NAALADL2: variants seen among roughly 807,000 people sequenced by gnomAD.
NAALADL2 encodes the protein N-acetylated alpha-linked acidic dipeptidase like 2, also known as inactive N-acetylated-alpha-linked acidic dipeptidase-like protein 2.
In NAALADL2, 76 loss-of-function variants were observed where a neutral mutation model predicts 87.2. The ratio of observed to expected loss-of-function variants is 0.87; its 90% CI spans 0.72 to 1.05. The LOEUF (loss-of-function observed/expected upper bound fraction) is 1.05, where lower values mean the gene tolerates loss of function less well. NAALADL2 is among the 50% of genes least tolerant of loss of function. The pLI is 0.00. For synonymous variants in NAALADL2, 354 were observed against 331.0 expected, an observed-to-expected ratio of 1.07 and a Z score of -0.75; for missense variants, 1,089 against 945.8, an observed-to-expected ratio of 1.15 and a Z score of -1.99.
intron 9 of NAALADL2, among the ~76,000 whole-genome samples, chr3:175,484,276 A>G (rs1225453810): frequency 1.3e-5 from 2 of 152,142 alleles, no homozygotes; most frequent in Non-Finnish European, 2.9e-5. Context: ...GCAGCATTAT[A>G]ATCAGTATTT....
intron 9 of NAALADL2, among the ~76,000 whole-genome samples, chr3:175,501,424 G>GACACACACACACAC (rs61284771): frequency 0.5 from 75,108 of 148,744 alleles, 20,554 homozygotes; most frequent in South Asian, 0.62. Context: ...ATACGTTTTA[G>GACACACACACACAC]ACACACACAC....
chr3:175,119,373 C>T (rs1725770817), intron 2 of NAALADL2, among the ~76,000 whole-genome samples: 1 of 151,490 alleles, frequency 6.6e-6, no homozygotes, highest in Admixed American at 6.6e-5. Flanking sequence ...CAGCCAGAGG[C>T]AGGAACAAAT....
chr3:174,791,655 C>G (rs983455444), intron 3 of NAALADL2, among the ~76,000 whole-genome samples: 2 of 152,162 alleles, frequency 1.3e-5, no homozygotes, highest in African/African-American at 4.8e-5. Flanking sequence ...TTCTCTGGAC[C>G]AAATACTGTA....
chr3:175,315,356 G>A (rs1039774850), intron 4 of NAALADL2, among the ~76,000 whole-genome samples: 4 of 152,064 alleles, frequency 2.6e-5, no homozygotes, highest in African/African-American at 7.2e-5. Context: ...TTTGTTTAAC[G>A]ATCCCTGTAT....
At chr3:175,258,811 G>T (rs1431425481) in intron 4 of NAALADL2, among the ~76,000 whole-genome samples, 1 of 152,096 alleles carries the variant, frequency 6.6e-6, no homozygotes, top group East Asian at 1.9e-4. Flanking sequence ...TAAGAGATGG[G>T]TTTACTAAGC....
At chr3:175,165,504 T>C (rs889388151) in intron 2 of NAALADL2, among the ~76,000 whole-genome samples, 1 of 152,154 alleles carries the variant, frequency 6.6e-6, no homozygotes. Context: ...AATAAAATCA[T>C]GGACTTACAC....
intron 1 of NAALADL2, among the ~76,000 whole-genome samples, chr3:174,988,214 T>C (rs1224423776): frequency 6.6e-6 from 1 of 152,184 alleles, no homozygotes; most frequent in African/African-American, 2.4e-5. Flanking sequence ...TATAGGTTAC[T>C]GTCAGGAGAA....
chr3:175,695,065 G>A (rs1344290209), intron 11 of NAALADL2, among the ~76,000 whole-genome samples: 3 of 147,876 alleles, frequency 2.0e-5, no homozygotes, highest in Admixed American at 6.8e-5. Context: ...ATCCATATAG[G>A]TGCTTGAAAA....
At chr3:175,093,887 C>A (rs191670968) in intron 1 of NAALADL2, among the ~76,000 whole-genome samples, 1 of 151,844 alleles carries the variant, frequency 6.6e-6, no homozygotes. Context: ...TAATTGATGG[C>A]TCTGTCTGAT....
At chr3:175,627,231 A>T in intron 10 of NAALADL2, 60 bp from the exon 11 acceptor site, 1 of 1,351,376 alleles carries the variant, frequency 7.4e-7, no homozygotes. Flanking sequence ...AAATCCAATA[A>T]ACACTTGAAA....
chr3:175,655,152 T>G (rs748341145), intron 11 of NAALADL2, among the ~76,000 whole-genome samples: 1 of 152,148 alleles, frequency 6.6e-6, no homozygotes, highest in African/African-American at 2.4e-5. Context: ...CAACTGTAAA[T>G]GATGCCATGT....
At chr3:175,135,117 G>A (rs562972108) in intron 2 of NAALADL2, among the ~76,000 whole-genome samples, 1 of 152,086 alleles carries the variant, frequency 6.6e-6, no homozygotes, top group African/African-American at 2.4e-5. Context: ...ATAATGTTTT[G>A]TTCAAAAATA....
At chr3:174,816,923 A>T (rs1433317477) in intron 3 of NAALADL2, among the ~76,000 whole-genome samples, 2 of 152,166 alleles carry the variant, frequency 1.3e-5, no homozygotes, top group Admixed American at 1.3e-4. Flanking sequence ...CTGGTAGTAA[A>T]TCATATATTG....
At chr3:175,706,190 C>T (rs944757861) in intron 11 of NAALADL2, among the ~76,000 whole-genome samples, 2 of 152,048 alleles carry the variant, frequency 1.3e-5, no homozygotes, top group African/African-American at 2.4e-5. Flanking sequence ...TTTGCCCATT[C>T]GAATCATATC....
intron 9 of NAALADL2, among the ~76,000 whole-genome samples, chr3:175,502,215 A>T (rs1020687975): frequency 4.0e-5 from 6 of 149,718 alleles, no homozygotes; most frequent in African/African-American, 1.5e-4. Context: ...ATATTTGGCA[A>T]ACCATTATCC....
At chr3:174,927,785 C>T (rs985968711) in intron 1 of NAALADL2, among the ~76,000 whole-genome samples, 5 of 152,196 alleles carry the variant, frequency 3.3e-5, no homozygotes, top group South Asian at 2.1e-4. Flanking sequence ...ACCCTAACAT[C>T]GCAATTGAAA....
chr3:174,532,237 G>T lies in NAALADL2; in HGVS notation c.-183-18332G>T, dbSNP rs188188458. ...CAGATCCCTGTCCTTGGGTGAGGAG[G>T]ACTGAGACAGACATGAGCACCTGTA... is the stretch of plus-strand genomic sequence containing the variant. On this transcript the variant is annotated intron_variant, in intron 1 of 3. Coordinates refer to the NAALADL2 transcript ENST00000434257. 3.0e-4 allele frequency among the ~76,000 whole-genome samples: 46 copies of T among 152,262 alleles called. 1 individual carries two copies. The highest frequency in any genetic ancestry group is 4.6e-4 in the Admixed American group (7 of 15,286).
At chr3:175,424,340 A>G (rs1716416754) in intron 5 of NAALADL2, among the ~76,000 whole-genome samples, 1 of 152,106 alleles carries the variant, frequency 6.6e-6, no homozygotes, top group Admixed American at 6.6e-5. Context: ...GCCTGTGCCT[A>G]TGTCCTGAAT....
At chr3:175,681,694 A>G (rs980680613) in intron 11 of NAALADL2, among the ~76,000 whole-genome samples, 4 of 152,204 alleles carry the variant, frequency 2.6e-5, no homozygotes, top group African/African-American at 9.6e-5. Flanking sequence ...ATGAAAACAG[A>G]CAACTGAAGA....
Sources: allele counts gnomAD v4.1 joint callset (sites outside exome capture counted in the v4.1 genomes callset), GRCh38; gene constraint gnomAD v4.1.1; transcripts MANE v1.5; gene names NCBI Gene and HGNC (gene_info 2026-07-23, HGNC 2026-07-21).